Variants in LPP observed in about 807,000 individuals in gnomAD.
The protein encoded by LPP is LIM domain containing preferred translocation partner in lipoma.
LPP carries 38 observed loss-of-function variants against 60.4 expected under a neutral mutation model. That is an observed-to-expected ratio of 0.63 (90% confidence interval 0.49 to 0.83). LPP has a LOEUF of 0.83. LPP is among the 40% of genes least tolerant of loss of function. The probability of loss-of-function intolerance (pLI) is 0.00; values close to 1 mark genes in which losing one functional copy is unlikely to be tolerated. For missense variants in LPP, 902 were observed against 783.6 expected (o/e 1.15, Z -1.80); for synonymous variants, 328 against 290.8 (o/e 1.13, Z -1.30).
At chr3:188,578,544 GT>G (rs1287837660) in intron 6 of LPP, among the ~76,000 whole-genome samples, 1 of 151,706 alleles carries the variant, frequency 6.6e-6, no homozygotes, top group Non-Finnish European at 1.5e-5. Context: ...AAGGCGACAG[GT>G]TTTTTTGTGT....
chr3:188,257,600 C>T (rs896017407), intron 2 of LPP, among the ~76,000 whole-genome samples: 2 of 152,138 alleles, frequency 1.3e-5, no homozygotes, highest in Non-Finnish European at 2.9e-5. Context: ...TGGTTGTCTA[C>T]CTTATCTGTT....
chr3:188,550,617 A>G (rs144301224), intron 6 of LPP, among the ~76,000 whole-genome samples: 2 of 148,862 alleles, frequency 1.3e-5, no homozygotes, highest in Non-Finnish European at 3.0e-5. Flanking sequence ...AAGTCTTTGG[A>G]TATTAACCAT....
chr3:188,614,994 C>T (rs1560647019), intron 7 of LPP, among the ~76,000 whole-genome samples: 1 of 152,190 alleles, frequency 6.6e-6, no homozygotes, highest in Non-Finnish European at 1.5e-5. Context: ...ATATGGAGTT[C>T]AGTCATCCCC....
chr3:188,581,491 T>G (rs1315737824), intron 6 of LPP, among the ~76,000 whole-genome samples: 5 of 152,128 alleles, frequency 3.3e-5, no homozygotes, highest in African/African-American at 1.2e-4. Flanking sequence ...GTTAGAGACA[T>G]TCGACTAAAT....
chr3:188,417,816 T>C lies in LPP; in HGVS notation c.193+11503T>C, dbSNP rs115115641. 1.3e-3 allele frequency among the ~76,000 whole-genome samples: 204 copies of C among 152,278 alleles called. 1 individual carries two copies. Among genetic ancestry groups the C allele is most frequent in the African/African-American group, 4.7e-3 (196 of 41,564 alleles). On this transcript the variant is annotated intron_variant, in intron 4 of 11. Transcript: ENST00000617246. ...GCAAGAAAGAAAAAGCAAAAGGCAA[T>C]TCTCTTTAAATCTCCTGAAATAATT...
chr3:188,465,217 GT>G (rs1165657850), intron 4 of LPP, among the ~76,000 whole-genome samples: 28 of 152,242 alleles, frequency 1.8e-4, no homozygotes, highest in African/African-American at 6.7e-4. Context: ...GTGACACCTT[GT>G]TGAATTCCAT....
intron 2 of LPP, among the ~76,000 whole-genome samples, chr3:188,270,729 G>A (rs757901759): frequency 7.9e-5 from 12 of 152,246 alleles, no homozygotes. Flanking sequence ...GAACTGTGAA[G>A]TTTTGAGAAA....
At chr3:188,323,157 A>C (rs1401455987) in intron 2 of LPP, among the ~76,000 whole-genome samples, 1 of 152,198 alleles carries the variant, frequency 6.6e-6, no homozygotes, top group Non-Finnish European at 1.5e-5. Context: ...CAGCACAATT[A>C]ATTGTTGTTA....
intron 2 of LPP, among the ~76,000 whole-genome samples, chr3:188,243,268 G>A (rs984898052): frequency 1.3e-5 from 2 of 152,128 alleles, no homozygotes; most frequent in East Asian, 1.9e-4. Context: ...AGTGAGAACC[G>A]ATTTAAAACT....
chr3:188,218,265 C>T (rs1714407535), intron 1 of LPP, among the ~76,000 whole-genome samples: 1 of 152,202 alleles, frequency 6.6e-6, no homozygotes, highest in South Asian at 2.1e-4. Flanking sequence ...CCCTGTAATT[C>T]CTTTTAACAG....
At chr3:188,845,467 A>C (rs1024770890) in intron 9 of LPP, among the ~76,000 whole-genome samples, 1 of 152,218 alleles carries the variant, frequency 6.6e-6, no homozygotes, top group Non-Finnish European at 1.5e-5. Flanking sequence ...CGTAAAGTGA[A>C]TTTGTACTTG....
rs1819971019 is a variant in LPP at position 188,524,708 on chromosome 3, T to C, written c.350T>C (p.Leu117Pro). Residue 117 changes from leucine (L) to proline (P), a missense_variant, in exon 6 of 12, where the codon CTG becomes CCG. Coordinates refer to ENST00000617246, the MANE Select transcript of LPP (RefSeq NM_001375462.1). ...ACACTTGAGGAGAGGCGCTCCAGCCTGGACGCTGAGATTGACTCCTTGACC... is the reference window on the plus strand; with the variant it reads ...ACACTTGAGGAGAGGCGCTCCAGCCCGGACGCTGAGATTGACTCCTTGACC... The part of the protein sequence containing the change: ...GKTLEERRSS[L>P]DAEIDSLTSI... The C allele has an allele frequency of 1.2e-6, 2 of 1,614,174 alleles. No individual in the cohort carries two copies. The highest frequency in any genetic ancestry group is 1.3e-5 in the African/African-American group (1 of 75,070).
chr3:188,745,746 G>A (rs1397903882), intron 8 of LPP, among the ~76,000 whole-genome samples: 1 of 152,164 alleles, frequency 6.6e-6, no homozygotes, highest in Non-Finnish European at 1.5e-5. Flanking sequence ...AGGGGCTCCA[G>A]GCAATCACCA....
chr3:188,205,978 G>A (rs897958244), intron 1 of LPP, among the ~76,000 whole-genome samples: 1 of 152,112 alleles, frequency 6.6e-6, no homozygotes, highest in African/African-American at 2.4e-5. Context: ...ACATATAAAA[G>A]TTAAAAAACC....
At chr3:188,420,631 A>G (rs1235319454) in intron 4 of LPP, among the ~76,000 whole-genome samples, 1 of 152,162 alleles carries the variant, frequency 6.6e-6, no homozygotes, top group Non-Finnish European at 1.5e-5. Flanking sequence ...TAGGGAAAGC[A>G]TTCACAACAC....
At chr3:188,556,372 A>G (rs1401757844) in intron 6 of LPP, among the ~76,000 whole-genome samples, 2 of 152,068 alleles carry the variant, frequency 1.3e-5, no homozygotes, top group Admixed American at 1.3e-4. Context: ...AAGGAAAGAA[A>G]TGATATGTTT....
At chr3:188,660,832 C>A (rs971451003) in intron 7 of LPP, among the ~76,000 whole-genome samples, 1 of 152,170 alleles carries the variant, frequency 6.6e-6, no homozygotes, top group Non-Finnish European at 1.5e-5. Flanking sequence ...AATCGATAAA[C>A]CTACATTGTC....
Position 188,421,623 on chromosome 3 carries a change from A to G in LPP, c.193+15310A>G, listed in dbSNP as rs182311044. On this transcript the variant is annotated intron_variant, in intron 4 of 11. Transcript: ENST00000617246. ...TAATGATAGTAATGGTAATATAGCA[A>G]TTAATAACTGCAGAAATCCCCTTTT... Among the ~76,000 whole-genome samples, 353 of 152,310 alleles carry G rather than the reference A, an allele frequency of 2.3e-3. 1 individual carries two copies. The highest frequency in any genetic ancestry group is 3.2e-3 in the Non-Finnish European group (218 of 68,020).
At chr3:188,567,985 G>C (rs2150789608) in intron 6 of LPP, among the ~76,000 whole-genome samples, 1 of 152,106 alleles carries the variant, frequency 6.6e-6, no homozygotes, top group East Asian at 1.9e-4. Context: ...TGATTAGGGA[G>C]AAGGCATTCT....
Sources: gnomAD v4.1 joint callset for allele counts (sites outside exome capture counted in the v4.1 genomes callset) on GRCh38, gnomAD v4.1.1 for gene constraint, MANE v1.5 for transcripts, NCBI Gene and HGNC (gene_info 2026-07-23, HGNC 2026-07-21) for gene names.